The following ARHGEF7 variants were observed in gnomAD, a reference collection of about 807,000 sequenced individuals.
ARHGEF7 encodes the protein PAK-interacting exchange factor beta.
ARHGEF7 carries 33 observed loss-of-function variants against 109.8 expected under a neutral mutation model. The observed-to-expected ratio is 0.30, with a 90% CI of 0.23 to 0.40. The LOEUF (loss-of-function observed/expected upper bound fraction) is 0.40. ARHGEF7 is among the 10% of genes least tolerant of loss of function. ARHGEF7 has a pLI of 1.00. For missense variants in ARHGEF7, 938 were observed against 1,098.5 expected (o/e 0.85, Z 2.07); for synonymous variants, 458 against 424.6 (o/e 1.08, Z -0.97).
chr13:111,302,901 C>A, intron 21 of ARHGEF7, 90 bp from the exon 22 acceptor site: 1 of 1,524,712 alleles, frequency 6.6e-7, no homozygotes, highest in East Asian at 2.3e-5. Flanking sequence ...TGAATCGAGG[C>A]CTTAGCTCCT....
intron 5 of ARHGEF7, among the ~76,000 whole-genome samples, chr13:111,223,210 GCTTT>G (rs1434298696): frequency 6.6e-6 from 1 of 152,186 alleles, no homozygotes; most frequent in Non-Finnish European, 1.5e-5. Flanking sequence ...AGTTTATGTG[GCTTT>G]CTGATTTTGG....
chr13:111,186,995 G>T, intron 2 of ARHGEF7: 5 of 985,832 alleles, frequency 5.1e-6, no homozygotes, highest in Non-Finnish European at 6.0e-6. Context: ...TCTCGTGTCA[G>T]TACTGACGGG....
chr13:111,272,431 T>C lies in ARHGEF7; in HGVS notation c.1074-1383T>C, dbSNP rs575099311. Reference sequence around the variant, plus strand: ...CTCCTGTGAGACCAGAACCGGAAATTGGCTTGTTTCTCAGTTTTGCTGTTA... The same window carrying C: ...CTCCTGTGAGACCAGAACCGGAAATCGGCTTGTTTCTCAGTTTTGCTGTTA... On this transcript the variant is annotated intron_variant, in intron 9 of 21. Transcript: ENST00000646102. The surrounding 1 kb of genome is among the most constrained non-coding windows in gnomAD (Gnocchi z 5.2). 3.9e-4 allele frequency among the ~76,000 whole-genome samples: 60 copies of C among 152,332 alleles called. No homozygotes were observed. The highest frequency in any genetic ancestry group is 7.1e-4 in the Non-Finnish European group (48 of 68,034).
At chr13:111,201,557 G>A (rs931574428) in intron 2 of ARHGEF7, among the ~76,000 whole-genome samples, 7 of 152,210 alleles carry the variant, frequency 4.6e-5, no homozygotes, top group African/African-American at 1.4e-4. Context: ...ATTTTTAAAA[G>A]TAAGAGTTTT....
At chr13:111,221,976 A>T (rs1232948400) in intron 5 of ARHGEF7, among the ~76,000 whole-genome samples, 3 of 152,138 alleles carry the variant, frequency 2.0e-5, no homozygotes, top group African/African-American at 7.2e-5. Context: ...AGAAAGATGT[A>T]GGCTGGGAGG....
chr13:111,305,135 A>G lies in ARHGEF7; in HGVS notation c.*2022A>G, dbSNP rs1476158632. Reference sequence around the variant, plus strand: ...TTTCACAAGAATACTTGTGTTTTTAACAGCCCTTCCCCTGGACGGTGCGGC... The same window carrying G: ...TTTCACAAGAATACTTGTGTTTTTAGCAGCCCTTCCCCTGGACGGTGCGGC... On this transcript the variant is annotated 3_prime_UTR_variant, in exon 22 of 22. Transcript: ENST00000646102. The G allele has an allele frequency of 6.6e-6, 1 of 152,198 alleles. No individual in the cohort carries two copies. Among genetic ancestry groups the G allele is most frequent in the Non-Finnish European group, 1.5e-5 (1 of 68,034 alleles). 9.4% of individuals were successfully genotyped at this position (152,198 alleles called of 1,614,324 possible).
chr13:111,270,968 C>T (rs965066380), intron 9 of ARHGEF7, among the ~76,000 whole-genome samples: 2 of 152,216 alleles, frequency 1.3e-5, no homozygotes, highest in East Asian at 3.9e-4. Context: ...TGTGTGTGTG[C>T]GGAACAGGCT....
At chr13:111,285,921 T>TA (rs544234337) in intron 16 of ARHGEF7, among the ~76,000 whole-genome samples, 5,644 of 145,536 alleles carry the variant, frequency 0.039, 166 homozygotes, top group Non-Finnish European at 0.061. Flanking sequence ...TTATTAGAAT[T>TA]AAAAAAAAAA....
At chr13:111,287,394 G>C (rs568133868) in intron 17 of ARHGEF7, among the ~76,000 whole-genome samples, 1 of 152,206 alleles carries the variant, frequency 6.6e-6, no homozygotes, top group Non-Finnish European at 1.5e-5. Context: ...GAGCTGGGCC[G>C]GGGGCCGGCT....
chr13:111,273,855 G>T lies in ARHGEF7; in HGVS notation c.1115G>T (p.Ser372Ile), dbSNP rs959589028. Residue 372 changes from serine to isoleucine, a missense_variant, in exon 10 of 22, where the codon AGC (serine) becomes ATC (isoleucine). Transcript: ENST00000646102. The surrounding 1 kb of genome is among the most constrained non-coding windows in gnomAD (Gnocchi z 4.5). ...TTCATGGAGACCAAAGGTGCCAGCA[G>T]CCCTGGGATTCTCGTGCTGACCACG... ...GEFMETKGASSPGILVLTTGL... is the reference protein window; with the variant it reads ...GEFMETKGASIPGILVLTTGL... 1.9e-6 allele frequency: 3 copies of T among 1,614,164 alleles called. No individual in the cohort carries two copies. The highest frequency in any genetic ancestry group is 2.5e-6 in the Non-Finnish European group (3 of 1,180,022).
chr13:111,167,552 A>G (rs1483472630), intron 2 of ARHGEF7, among the ~76,000 whole-genome samples: 3 of 152,178 alleles, frequency 2.0e-5, no homozygotes, highest in Non-Finnish European at 1.5e-5. Flanking sequence ...CAGGAGAATC[A>G]TTCTTTGCCC....
rs758787671 is a variant in ARHGEF7, at chr13:111,274,805, A to G, written c.1272+15A>G. 5 of 1,418,330 alleles carry G rather than the reference A, an allele frequency of 3.5e-6. No individual in the cohort carries two copies. Among genetic ancestry groups the G allele is most frequent in the African/African-American group, 1.5e-5 (1 of 67,672 alleles). 87.9% of individuals were successfully genotyped at this position (1,418,330 alleles called of 1,614,324 possible). A position where few individuals can be genotyped will look rare whatever the true frequency, so the allele number is the denominator to read the frequency against. On this transcript the variant is annotated intron_variant, in intron 11 of 21. Coordinates refer to ENST00000646102, the MANE Select transcript of ARHGEF7 (RefSeq NM_001354046.2). ...AAAACCTTTCAGTAAGTGATTAAGC[A>G]TATTGTTTTCCCCCCCAGACATTAT...
chr13:111,257,560 C>T (rs1281042023), intron 8 of ARHGEF7, among the ~76,000 whole-genome samples: 1 of 152,190 alleles, frequency 6.6e-6, no homozygotes, highest in Non-Finnish European at 1.5e-5. Context: ...GATTGTCCTC[C>T]CCACAGGAAC....
intron 3 of ARHGEF7, among the ~76,000 whole-genome samples, chr13:111,208,547 T>C (rs1339024850): frequency 1.3e-5 from 2 of 152,166 alleles, no homozygotes; most frequent in Non-Finnish European, 2.9e-5. Context: ...AAGTACAGAA[T>C]GTCTTCAGGA....
chr13:111,133,574 GT>G (rs1321233772), intron 1 of ARHGEF7, among the ~76,000 whole-genome samples: 1 of 150,700 alleles, frequency 6.6e-6, no homozygotes, highest in Non-Finnish European at 1.5e-5. Flanking sequence ...GGCAGTACAT[GT>G]TTTTCCAAGT....
chr13:111,173,543 A>G (rs1442666245), intron 2 of ARHGEF7, among the ~76,000 whole-genome samples: 1 of 152,246 alleles, frequency 6.6e-6, no homozygotes, highest in Non-Finnish European at 1.5e-5. Flanking sequence ...GGGACAGGGC[A>G]GAGTGCTCAC....
chr13:111,176,665 C>T (rs9560002), intron 2 of ARHGEF7, among the ~76,000 whole-genome samples: 24,571 of 152,254 alleles, frequency 0.16, 2,862 homozygotes, highest in East Asian at 0.68. Context: ...GACGTTTGTC[C>T]TCCTCTTGTC....
chr13:111,290,640 G>A (rs2093241742), intron 18 of ARHGEF7, among the ~76,000 whole-genome samples: 1 of 152,226 alleles, frequency 6.6e-6, no homozygotes, highest in Non-Finnish European at 1.5e-5. Context: ...CTGCCTAAGG[G>A]GAATGGCCCA....
chr13:111,219,002 C>T (rs2083478498), intron 5 of ARHGEF7, among the ~76,000 whole-genome samples: 1 of 152,154 alleles, frequency 6.6e-6, no homozygotes, highest in South Asian at 2.1e-4. Context: ...CCTGCCTGTT[C>T]TTATTGTATG....
Sources: gnomAD v4.1 joint callset for allele counts (sites outside exome capture counted in the v4.1 genomes callset) on GRCh38, gnomAD v4.1.1 for gene constraint, Gnocchi (gnomAD v3.1) non-coding constraint, MANE v1.5 for transcripts, NCBI Gene and HGNC (gene_info 2026-07-23, HGNC 2026-07-21) for gene names.